The following KIF7 variants were observed in gnomAD, a reference collection of about 807,000 sequenced individuals.
KIF7 encodes kinesin-like protein KIF7.
In KIF7, 104 loss-of-function variants were observed where a neutral mutation model predicts 135.7. The ratio of observed to expected loss-of-function variants is 0.77; its 90% CI spans 0.65 to 0.90. KIF7 has a LOEUF of 0.90. KIF7 is among the 40% of genes least tolerant of loss of function. KIF7 has a pLI of 0.00. For synonymous variants in KIF7, 883 were observed against 809.4 expected (o/e 1.09, Z -1.54); for missense variants, 2,005 against 1,839.1 (o/e 1.09, Z -1.65).
chr15:89,654,042 C>G (rs906862475), intron 1 of KIF7, among the ~76,000 whole-genome samples: 2 of 152,160 alleles, frequency 1.3e-5, no homozygotes, highest in African/African-American at 4.8e-5. Flanking sequence ...CGGAGTCTTG[C>G]TCTGTTGCCC....
chr15:89,637,802 C>T (rs1963840556), intron 11 of KIF7, among the ~76,000 whole-genome samples: 1 of 141,130 alleles, frequency 7.1e-6, no homozygotes, highest in Admixed American at 7.2e-5. Context: ...AAGAGGGAAT[C>T]CTCCCTAACT....
intron 1 of KIF7, among the ~76,000 whole-genome samples, chr15:89,654,044 C>T (rs552787791): frequency 1.3e-5 from 2 of 152,098 alleles, no homozygotes; most frequent in African/African-American, 4.8e-5. Flanking sequence ...GAGTCTTGCT[C>T]TGTTGCCCAG....
chr15:89,641,662 G>A (rs186670349), intron 11 of KIF7, among the ~76,000 whole-genome samples: 5 of 152,242 alleles, frequency 3.3e-5, no homozygotes, highest in Admixed American at 2.6e-4. Flanking sequence ...TCAGCTGGGC[G>A]TGGTGGCACG....
chr15:89,635,699 G>C (rs988864574), intron 11 of KIF7, among the ~76,000 whole-genome samples: 31 of 152,310 alleles, frequency 2.0e-4, no homozygotes, highest in African/African-American at 7.5e-4. Flanking sequence ...ATCTACATTT[G>C]ACTGGTGTAC....
At chr15:89,647,105 G>A (rs1255210636) in intron 6 of KIF7, 48 bp from the exon 7 acceptor site, 2 of 1,495,482 alleles carry the variant, frequency 1.3e-6, no homozygotes, top group Non-Finnish European at 1.8e-6. Context: ...GCCCCGACAG[G>A]CAGGAGTGTA....
intron 17 of KIF7, 64 bp from the exon 18 acceptor site, chr15:89,629,186 TGGGGGTGGG>T (rs1596064507): frequency 1.3e-5 from 8 of 609,872 alleles, no homozygotes; most frequent in Non-Finnish European, 1.8e-5. Context: ...GCCAGGGCTG[TGGGGGTGGG>T]GGCTGTGGGC....
At chr15:89,643,869 G>A (rs931769739) in intron 10 of KIF7, among the ~76,000 whole-genome samples, 1 of 124,554 alleles carries the variant, frequency 8.0e-6, no homozygotes, top group Non-Finnish European at 1.6e-5. Context: ...TGGCAACAGA[G>A]TGAGACTCCG....
downstream of KIF7, chr15:89,625,147 T>A: frequency 6.2e-7 from 1 of 1,613,650 alleles, no homozygotes; most frequent in Non-Finnish European, 8.5e-7. Flanking sequence ...GGCCAGCAGG[T>A]CCTTAAGCAA....
At chr15:89,661,587 G>A in the KIF7 span, among the ~76,000 whole-genome samples, 4 of 152,064 alleles carry the variant, frequency 2.6e-5, no homozygotes, top group African/African-American at 9.7e-5. Context: ...CACAGTCTTG[G>A]TCCCCTCTCT....
rs567816277 is a variant in KIF7, at chr15:89,633,276, G to C, written c.2593-10C>G. 1.9e-6 allele frequency: 3 copies of C among 1,555,790 alleles called. No homozygotes were observed. In the South Asian group the frequency reaches 3.5e-5, roughly 18 times the overall value. On this transcript the variant is annotated splice_polypyrimidine_tract_variant and intron_variant, in intron 12 of 18. Coordinates refer to ENST00000394412, the MANE Select transcript of KIF7 (RefSeq NM_198525.3). ...GCTTCAGCTCCAGCTCCTGGGTGAG[G>C]AGCTCAGTGGGCAGGGCTGTTTATG...
intron 15 of KIF7, chr15:89,630,713 G>A: frequency 5.0e-6 from 3 of 601,692 alleles, no homozygotes; most frequent in Non-Finnish European, 8.9e-6. Context: ...CTGCTCAACT[G>A]CAAGCCTCTG....
At chr15:89,635,896 A>G (rs2142006245) in intron 11 of KIF7, among the ~76,000 whole-genome samples, 1 of 152,226 alleles carries the variant, frequency 6.6e-6, no homozygotes, top group African/African-American at 2.4e-5. Context: ...CAAAGTTGAA[A>G]TGAAGGAAAA....
chr15:89,620,420 C>A (rs1356913476), intron 1 of KIF7, among the ~76,000 whole-genome samples: 1 of 152,020 alleles, frequency 6.6e-6, no homozygotes, highest in Non-Finnish European at 1.5e-5. Context: ...GTTGCCCAGG[C>A]TGGTCTTGAA....
At chr15:89,624,442 C>T (rs551579638), downstream of KIF7, 4 of 1,614,194 alleles carry the variant, frequency 2.5e-6, no homozygotes, top group Middle Eastern at 3.3e-4. Flanking sequence ...TCCTCCACCC[C>T]CTTCTAAAGT....
chr15:89,642,129 G>A, intron 11 of KIF7, 74 bp downstream of exon 11: 2 of 1,487,652 alleles, frequency 1.3e-6, no homozygotes, highest in Non-Finnish European at 1.9e-6. Flanking sequence ...GAGCCCACAT[G>A]TCCTGGTCCC....
Position 89,645,357 on chromosome 15 carries a change from C to T in KIF7, c.2017G>A (p.Ala673Thr), listed in dbSNP as rs778447926. The change falls in exon 9 of 19, where the codon GCA becomes ACA. Residue 673 changes from alanine (A) to threonine (T), a missense_variant. By Grantham distance (58) the Ala-to-Thr change is moderately conservative. Transcript: ENST00000394412. ...GPELCLEELD[A>T]AIPGSRAVGG... is the part of the protein sequence containing the mutation. ...TTACCTCTGGACCCTGGAATGGCTG[C>T]ATCCAACTCCTCAAGGCAAAGCTCT... is the stretch of plus-strand genomic sequence containing the variant. The T allele has an allele frequency of 3.1e-6, 5 of 1,613,992 alleles. No individual in the cohort carries two copies. Among genetic ancestry groups the T allele is most frequent in the South Asian group, 1.1e-5 (1 of 91,088 alleles).
intron 1 of KIF7, among the ~76,000 whole-genome samples, chr15:89,653,902 C>G (rs76829020): frequency 0.039 from 5,949 of 152,264 alleles, 152 homozygotes; most frequent in Non-Finnish European, 0.061. Context: ...AGAGGCATCT[C>G]TCAAAATGCA....
chr15:89,623,188 C>T (rs1466691843), downstream of KIF7, among the ~76,000 whole-genome samples: 1 of 152,198 alleles, frequency 6.6e-6, no homozygotes, highest in Non-Finnish European at 1.5e-5. Context: ...CACACAGTGC[C>T]TGGCACATAG....
Position 89,642,381 on chromosome 15 carries a change from C to A in KIF7, c.2216G>T (p.Arg739Leu). The change falls in exon 11 of 19, where the codon CGC (arginine) becomes CTC (leucine). Residue 739 changes from arginine to leucine, a missense_variant. By Grantham distance (102) the Arg-to-Leu change is moderately radical. Coordinates refer to ENST00000394412, the MANE Select transcript of KIF7 (RefSeq NM_198525.3). ...RTGKAAQALN[R>L]QHSQRIRELE... ...CTCCCGGATACGCTGGCTGTGCTGG[C>A]GGTTCAGGGCCTGAGCTGCCTTTCC... 6.2e-7 allele frequency: 1 copy of A among 1,605,342 alleles called. No homozygotes were observed. The highest frequency in any genetic ancestry group is 8.5e-7 in the Non-Finnish European group (1 of 1,176,746).
Sources: allele counts gnomAD v4.1 joint callset (sites outside exome capture counted in the v4.1 genomes callset), GRCh38; gene constraint gnomAD v4.1.1; transcripts MANE v1.5; gene names NCBI Gene and HGNC (gene_info 2026-07-23, HGNC 2026-07-21).